The following AFG2A variants were observed in gnomAD, a reference collection of about 807,000 sequenced individuals.
AFG2A encodes the protein AAA ATPase AFG2A.
At chr4:123,151,405 A>G in the AFG2A span, among the ~76,000 whole-genome samples, 1 of 152,192 alleles carries the variant, frequency 6.6e-6, no homozygotes, top group Non-Finnish European at 1.5e-5. Context: ...TCTACAAAGA[A>G]CTTAAACAAA....
the AFG2A span, among the ~76,000 whole-genome samples, chr4:123,134,036 G>C: frequency 6.6e-6 from 1 of 152,088 alleles, no homozygotes; most frequent in Non-Finnish European, 1.5e-5. Context: ...TTTATTAGAT[G>C]TATGATTTGC....
the AFG2A span, among the ~76,000 whole-genome samples, chr4:123,094,752 T>C: frequency 2.6e-3 from 397 of 152,072 alleles, 2 homozygotes; most frequent in African/African-American, 8.9e-3. Context: ...ATTAATACCT[T>C]AAGAAAAGCT....
chr4:123,099,421 A>G, the AFG2A span, among the ~76,000 whole-genome samples: 6 of 151,526 alleles, frequency 4.0e-5, no homozygotes, highest in African/African-American at 1.5e-4. Flanking sequence ...TCAAAAAATT[A>G]TTGTCCAGGC....
the AFG2A span, among the ~76,000 whole-genome samples, chr4:123,153,395 A>G: frequency 6.6e-6 from 1 of 152,374 alleles, no homozygotes; most frequent in Middle Eastern, 3.4e-3. Context: ...TCACAGGGCT[A>G]GCCCAAATTT....
At chr4:123,058,132 G>T in the AFG2A span, among the ~76,000 whole-genome samples, 1 of 152,188 alleles carries the variant, frequency 6.6e-6, no homozygotes, top group Non-Finnish European at 1.5e-5. Flanking sequence ...GAGGTAGACT[G>T]CTATATTAGT....
At chr4:123,230,403 A>C in the AFG2A span, among the ~76,000 whole-genome samples, 1 of 151,940 alleles carries the variant, frequency 6.6e-6, no homozygotes, top group African/African-American at 2.4e-5. Context: ...TCTTCATTCA[A>C]GTTTTTTCAT....
the AFG2A span, among the ~76,000 whole-genome samples, chr4:123,171,698 T>A: frequency 6.6e-6 from 1 of 152,150 alleles, no homozygotes; most frequent in African/African-American, 2.4e-5. Flanking sequence ...AACCCTACTG[T>A]CTAGCATGTA....
At chr4:123,187,188 G>T in the AFG2A span, among the ~76,000 whole-genome samples, 1 of 152,136 alleles carries the variant, frequency 6.6e-6, no homozygotes, top group Non-Finnish European at 1.5e-5. Flanking sequence ...ACTTTAGCTT[G>T]GTTTCTGCTG....
chr4:122,952,162 C>G, the AFG2A span, among the ~76,000 whole-genome samples: 1 of 152,158 alleles, frequency 6.6e-6, no homozygotes, highest in African/African-American at 2.4e-5. Context: ...AGTTGTTGTT[C>G]CATCACACTG....
the AFG2A span, among the ~76,000 whole-genome samples, chr4:123,154,441 C>T: frequency 3.9e-5 from 6 of 152,080 alleles, no homozygotes; most frequent in Non-Finnish European, 8.8e-5. Context: ...CAGAGTACAG[C>T]ATCTAGCTCC....
the AFG2A span, among the ~76,000 whole-genome samples, chr4:123,279,439 A>G: frequency 1.3e-5 from 2 of 152,022 alleles, no homozygotes; most frequent in African/African-American, 2.4e-5. Context: ...CTTTTATAGA[A>G]CTAATGTATA....
chr4:123,261,101 G>A, the AFG2A span, among the ~76,000 whole-genome samples: 1 of 152,074 alleles, frequency 6.6e-6, no homozygotes, highest in Non-Finnish European at 1.5e-5. Flanking sequence ...CACCCCATTT[G>A]TGGAAAAATT....
At chr4:123,220,139 G>C in the AFG2A span, among the ~76,000 whole-genome samples, 1 of 152,062 alleles carries the variant, frequency 6.6e-6, no homozygotes, top group African/African-American at 2.4e-5. Flanking sequence ...AAGGTGCTGG[G>C]ATTACAGGCG....
chr4:123,162,673 T>A, the AFG2A span, among the ~76,000 whole-genome samples: 54 of 152,172 alleles, frequency 3.5e-4, 1 homozygote, highest in Non-Finnish European at 6.8e-4. Context: ...TTAAATCTCT[T>A]TATTAAAATG....
the AFG2A span, among the ~76,000 whole-genome samples, chr4:123,103,308 G>A: frequency 6.6e-6 from 1 of 152,030 alleles, no homozygotes; most frequent in East Asian, 1.9e-4. Flanking sequence ...GGAGCGGAGA[G>A]CACTGGGAAA....
the AFG2A span, among the ~76,000 whole-genome samples, chr4:122,983,791 G>A: frequency 6.6e-6 from 1 of 152,132 alleles, no homozygotes; most frequent in Admixed American, 6.6e-5. Context: ...CCCCATAGAT[G>A]GTTCACATCA....
the AFG2A span, among the ~76,000 whole-genome samples, chr4:122,940,385 A>T: frequency 9.2e-5 from 14 of 152,320 alleles, no homozygotes; most frequent in East Asian, 2.5e-3. Context: ...ATGGCCAGTG[A>T]TGATGAGCAT....
At chr4:123,070,492 T>C in the AFG2A span, among the ~76,000 whole-genome samples, 2 of 152,166 alleles carry the variant, frequency 1.3e-5, no homozygotes, top group Non-Finnish European at 2.9e-5. Flanking sequence ...TCATATTTGA[T>C]ATCTGGTGAG....
the AFG2A span, among the ~76,000 whole-genome samples, chr4:122,971,708 G>A: frequency 6.6e-6 from 1 of 151,684 alleles, no homozygotes; most frequent in Admixed American, 6.6e-5. Flanking sequence ...TGATAAGGAG[G>A]TTTGTATCTA....
Sources: gnomAD v4.1 joint callset for allele counts (sites outside exome capture counted in the v4.1 genomes callset) on GRCh38, gnomAD v4.1.1 for gene constraint, MANE v1.5 for transcripts, NCBI Gene and HGNC (gene_info 2026-07-23, HGNC 2026-07-21) for gene names.